PRIM2: variants seen among roughly 807,000 people sequenced by gnomAD.
The protein encoded by PRIM2 is DNA primase subunit 2.
A neutral mutation model predicts 67.3 loss-of-function variants in PRIM2; 39 were observed. That is an observed-to-expected ratio of 0.58 (90% CI 0.45 to 0.76). The LOEUF (loss-of-function observed/expected upper bound fraction) is 0.76, where lower values mean the gene tolerates loss of function less well. PRIM2 is among the 30% of genes least tolerant of loss of function. PRIM2 has a pLI of 0.00. For missense variants in PRIM2, 398 were observed against 598.7 expected, an observed-to-expected ratio of 0.66 and a Z score of 3.50; for synonymous variants, 143 against 198.7, an observed-to-expected ratio of 0.72 and a Z score of 2.36.
At chr6:57,321,309 T>C (rs780448944) in intron 3 of PRIM2, among the ~76,000 whole-genome samples, 1 of 152,120 alleles carries the variant, frequency 6.6e-6, no homozygotes, top group African/African-American at 2.4e-5. Context: ...GAAGCAAGTC[T>C]TGGAAGACGT....
chr6:57,601,121 G>A lies in PRIM2; in HGVS notation c.1049G>A (p.Arg350His), dbSNP rs1776456072. ...KFDKGYSYNI[R>H]HSFGKEGKRT... ...GATAAAGGTTACTCTTACAACATCCGTCACAGCTTTGGAAAGGAAGGCAAG... is the reference window on the plus strand; with the variant it reads ...GATAAAGGTTACTCTTACAACATCCATCACAGCTTTGGAAAGGAAGGCAAG... Residue 350 changes from arginine to histidine, a missense_variant, in exon 11 of 14, where the codon CGT becomes CAT. Physicochemically the swap from Arg to His is conservative, Grantham distance 29. Transcript: ENST00000615550. The A allele has an allele frequency of 1.2e-6, 2 of 1,611,766 alleles. No individual in the cohort carries two copies. The highest frequency in any genetic ancestry group is 1.1e-5 in the South Asian group (1 of 90,720).
At chr6:57,261,402 A>C in the PRIM2 span, among the ~76,000 whole-genome samples, 2 of 152,194 alleles carry the variant, frequency 1.3e-5, no homozygotes, top group Non-Finnish European at 2.9e-5. Context: ...GTGGGGAAAA[A>C]TACCCAGCTT....
intron 10 of PRIM2, among the ~76,000 whole-genome samples, chr6:57,583,587 T>G (rs1339283528): frequency 6.6e-6 from 1 of 151,912 alleles, no homozygotes; most frequent in Non-Finnish European, 1.5e-5. Flanking sequence ...GTTGGACATT[T>G]GGGTTGGTTC....
chr6:57,588,739 A>G (rs1397417111), intron 10 of PRIM2, among the ~76,000 whole-genome samples: 1 of 151,968 alleles, frequency 6.6e-6, no homozygotes, highest in Non-Finnish European at 1.5e-5. Flanking sequence ...TTTTCATATT[A>G]TTGGGCTAAT....
chr6:57,615,574 TATAATGG>T (rs1776741686), intron 12 of PRIM2, among the ~76,000 whole-genome samples: 1 of 152,188 alleles, frequency 6.6e-6, no homozygotes, highest in African/African-American at 2.4e-5. Context: ...TTCATGGACT[TATAATGG>T]TGTGCTATGT....
chr6:57,229,700 C>T, the PRIM2 span, among the ~76,000 whole-genome samples: 1 of 152,124 alleles, frequency 6.6e-6, no homozygotes, highest in Non-Finnish European at 1.5e-5. Context: ...CCATGTTGGC[C>T]AGGCTGATCT....
the PRIM2 span, among the ~76,000 whole-genome samples, chr6:57,266,224 C>A: frequency 2.0e-5 from 3 of 152,138 alleles, no homozygotes; most frequent in Non-Finnish European, 4.4e-5. Flanking sequence ...TGGAAGATGA[C>A]AGCAGTTTCA....
intron 7 of PRIM2, among the ~76,000 whole-genome samples, chr6:57,499,567 T>C (rs1264234704): frequency 3.3e-5 from 5 of 152,294 alleles, no homozygotes; most frequent in African/African-American, 1.2e-4. Flanking sequence ...TTAATTACCA[T>C]TAGACTATAC....
intron 5 of PRIM2, among the ~76,000 whole-genome samples, chr6:57,345,515 T>TACAC: frequency 6.7e-6 from 1 of 149,214 alleles, no homozygotes; most frequent in Non-Finnish European, 1.5e-5. Context: ...TGTACATACA[T>TACAC]ATATATTTAT....
intron 7 of PRIM2, among the ~76,000 whole-genome samples, chr6:57,500,163 T>C (rs1262927158): frequency 1.3e-5 from 2 of 152,188 alleles, no homozygotes; most frequent in Non-Finnish European, 2.9e-5. Context: ...ATTTCTTATG[T>C]ACATGTCTTC....
chr6:57,228,052 A>G, the PRIM2 span, among the ~76,000 whole-genome samples: 2 of 152,206 alleles, frequency 1.3e-5, no homozygotes, highest in African/African-American at 4.8e-5. Flanking sequence ...CTTCTACTCA[A>G]CAAATATATA....
intron 5 of PRIM2, among the ~76,000 whole-genome samples, chr6:57,328,778 C>G (rs1447350703): frequency 1.3e-5 from 2 of 152,138 alleles, no homozygotes; most frequent in East Asian, 1.9e-4. Flanking sequence ...ATATATCTTA[C>G]CAGCAGTGGA....
intron 5 of PRIM2, among the ~76,000 whole-genome samples, chr6:57,333,690 T>C (rs1430234521): frequency 6.6e-6 from 1 of 152,158 alleles, no homozygotes; most frequent in Non-Finnish European, 1.5e-5. Context: ...ATCTTTGTGT[T>C]TTTATTTTAT....
chr6:57,355,130 C>T (rs1768987128), intron 5 of PRIM2, among the ~76,000 whole-genome samples: 1 of 152,272 alleles, frequency 6.6e-6, no homozygotes, highest in African/African-American at 2.4e-5. Flanking sequence ...ATGGTGAAAT[C>T]CCGTCTCTAC....
Position 57,546,828 on chromosome 6 carries a change from T to C in PRIM2, c.1020+9203T>C, listed in dbSNP as rs1383057689. 2.2e-4 allele frequency among the ~76,000 whole-genome samples: 33 copies of C among 152,338 alleles called. 1 individual carries two copies. Among genetic ancestry groups the C allele is most frequent in the African/African-American group, 7.5e-4 (31 of 41,584 alleles). Reference sequence around the variant, plus strand: ...TATGATCTTATAGCAAACCAATTGCTTTTCACAGCATACCTTACTCCAAAA... The same window carrying C: ...TATGATCTTATAGCAAACCAATTGCCTTTCACAGCATACCTTACTCCAAAA... On this transcript the variant is annotated intron_variant, in intron 10 of 13. Transcript: ENST00000615550.
upstream of PRIM2, among the ~76,000 whole-genome samples, chr6:57,315,549 C>A (rs1486772510): frequency 6.6e-6 from 1 of 152,082 alleles, no homozygotes; most frequent in Non-Finnish European, 1.5e-5. Context: ...GAGAAAATTT[C>A]TTTGCCTCTA....
rs1196058324 is a variant in PRIM2, at chr6:57,323,784, G to GA, written c.259-405dup. ...GTATCCCAGAACTTAAAGTAAAAAG[G>GA]AAAAAAAAAAAAGAAATGTTTTGGG... On this transcript the variant is annotated intron_variant, in intron 3 of 13. Transcript: ENST00000615550. Among the ~76,000 whole-genome samples, 71 of 141,378 alleles carry GA rather than the reference G, an allele frequency of 5.0e-4. 1 individual carries two copies. The highest frequency in any genetic ancestry group is 1.7e-3 in the Admixed American group (24 of 14,206). The allele number at this position is 141,378 out of a possible 152,430, so 92.7% of individuals were successfully genotyped here. A position where few individuals can be genotyped will look rare whatever the true frequency, so the allele number is the denominator to read the frequency against.
At chr6:57,393,961 C>A (rs983088786) in intron 7 of PRIM2, among the ~76,000 whole-genome samples, 1 of 151,822 alleles carries the variant, frequency 6.6e-6, no homozygotes, top group African/African-American at 2.4e-5. Context: ...TGTTGAAGAT[C>A]AGCTGGCTGT....
chr6:57,267,932 G>T, the PRIM2 span, among the ~76,000 whole-genome samples: 1 of 151,920 alleles, frequency 6.6e-6, no homozygotes, highest in Non-Finnish European at 1.5e-5. Context: ...AATCATTGTT[G>T]CTGGGTTCTT....
Sources: allele counts gnomAD v4.1 joint callset (sites outside exome capture counted in the v4.1 genomes callset), GRCh38; gene constraint gnomAD v4.1.1; transcripts MANE v1.5; gene names NCBI Gene and HGNC (gene_info 2026-07-23, HGNC 2026-07-21).